CCSER1: variants seen among roughly 807,000 people sequenced by gnomAD.
CCSER1 encodes serine-rich coiled-coil domain-containing protein 1.
Under a neutral mutation model 82.0 loss-of-function variants are expected in CCSER1, and 41 were observed. The observed-to-expected ratio is 0.50, with a 90% CI of 0.39 to 0.65. The LOEUF is 0.65. Among genes scored for constraint, CCSER1 ranks in the 30% least tolerant of loss-of-function variants. The pLI is 0.00. For missense variants in CCSER1, 1,119 were observed against 1,064.2 expected, an observed-to-expected ratio of 1.05 and a Z score of -0.72; for synonymous variants, 414 against 383.9, an observed-to-expected ratio of 1.08 and a Z score of -0.92.
intron 5 of CCSER1, among the ~76,000 whole-genome samples, chr4:90,588,908 C>T (rs1027012355): frequency 6.6e-6 from 1 of 152,100 alleles, no homozygotes. Context: ...TTATAAATTA[C>T]CCAGTCTCAG....
chr4:90,251,219 A>C (rs1490310499), intron 1 of CCSER1, among the ~76,000 whole-genome samples: 2 of 151,760 alleles, frequency 1.3e-5, no homozygotes, highest in Non-Finnish European at 2.9e-5. Context: ...AAGTGTTATA[A>C]ATTTTTACTT....
rs1764836026 is a variant in CCSER1 at position 91,602,047 on chromosome 4, T to C, written c.*2990T>C. 6.6e-6 allele frequency: 1 copy of C among 152,064 alleles called. No homozygotes were observed. Among genetic ancestry groups the C allele is most frequent in the African/African-American group, 2.4e-5 (1 of 41,450 alleles). 9.4% of individuals were successfully genotyped at this position (152,064 alleles called of 1,614,324 possible). On this transcript the variant is annotated 3_prime_UTR_variant, in exon 11 of 11. Coordinates refer to ENST00000509176, the MANE Select transcript of CCSER1 (RefSeq NM_001145065.2). ...CTTTGTTCAAATCACAACATGAAAC[T>C]GTTGCTGCAATGCTAAAGATGTGAA...
chr4:91,282,619 T>G (rs1742999789), intron 10 of CCSER1, among the ~76,000 whole-genome samples: 1 of 152,118 alleles, frequency 6.6e-6, no homozygotes, highest in Non-Finnish European at 1.5e-5. Context: ...CAAAGGAAAT[T>G]TAAGCATGGA....
intron 10 of CCSER1, among the ~76,000 whole-genome samples, chr4:91,475,662 A>G (rs537465058): frequency 1.2e-4 from 18 of 152,000 alleles, no homozygotes; most frequent in African/African-American, 4.3e-4. Context: ...TGTGGGGAAC[A>G]TTACAAATCT....
chr4:90,839,701 A>C (rs771119212), intron 8 of CCSER1, among the ~76,000 whole-genome samples: 20 of 152,328 alleles, frequency 1.3e-4, no homozygotes, highest in Non-Finnish European at 2.5e-4. Flanking sequence ...CCTTTTGCCC[A>C]ATCTTACCAA....
chr4:90,229,800 A>G (rs546478907), intron 1 of CCSER1, among the ~76,000 whole-genome samples: 3 of 152,326 alleles, frequency 2.0e-5, no homozygotes, highest in Non-Finnish European at 2.9e-5. Context: ...TGGAAAACAA[A>G]AAAAGGCAGG....
At chr4:91,066,367 G>T (rs979823045) in intron 9 of CCSER1, among the ~76,000 whole-genome samples, 5 of 152,172 alleles carry the variant, frequency 3.3e-5, no homozygotes, top group African/African-American at 4.8e-5. Flanking sequence ...GAGAAATGAA[G>T]CACAGAGCAG....
At chr4:90,904,308 T>C (rs1725122179) in intron 8 of CCSER1, among the ~76,000 whole-genome samples, 1 of 152,154 alleles carries the variant, frequency 6.6e-6, no homozygotes, top group African/African-American at 2.4e-5. Flanking sequence ...ATTTGTGCTG[T>C]TCTTTAATTT....
At chr4:90,263,962 G>A (rs547063916) in intron 1 of CCSER1, among the ~76,000 whole-genome samples, 1 of 152,182 alleles carries the variant, frequency 6.6e-6, no homozygotes, top group Non-Finnish European at 1.5e-5. Context: ...AGGAAAGTCA[G>A]AGCACAGACC....
chr4:91,577,070 G>A (rs1477383465), intron 10 of CCSER1, among the ~76,000 whole-genome samples: 1 of 151,952 alleles, frequency 6.6e-6, no homozygotes, highest in Non-Finnish European at 1.5e-5. Context: ...TAACATTGGT[G>A]CATAGCTTAC....
At chr4:90,915,609 CAG>C (rs1466757631) in intron 8 of CCSER1, among the ~76,000 whole-genome samples, 1 of 152,096 alleles carries the variant, frequency 6.6e-6, no homozygotes, top group African/African-American at 2.4e-5. Flanking sequence ...TGGCACAAGA[CAG>C]GGATGCCCTC....
chr4:91,168,262 T>A (rs1732352701), intron 10 of CCSER1, among the ~76,000 whole-genome samples: 1 of 125,030 alleles, frequency 8.0e-6, no homozygotes, highest in African/African-American at 3.1e-5. Flanking sequence ...GCCCATCATC[T>A]GGGAAGTGAG....
At chr4:90,981,017 A>G (rs189466452) in intron 9 of CCSER1, among the ~76,000 whole-genome samples, 1 of 151,884 alleles carries the variant, frequency 6.6e-6, no homozygotes, top group East Asian at 2.0e-4. Flanking sequence ...AGGGCTCTAC[A>G]GGTAGACCTG....
intron 3 of CCSER1, among the ~76,000 whole-genome samples, chr4:90,374,185 G>T (rs1747926270): frequency 6.6e-6 from 1 of 152,196 alleles, no homozygotes; most frequent in African/African-American, 2.4e-5. Context: ...GGATCGATGA[G>T]ACGCTTGTGG....
At chr4:91,534,747 A>G (rs1578721437) in intron 10 of CCSER1, among the ~76,000 whole-genome samples, 1 of 151,908 alleles carries the variant, frequency 6.6e-6, no homozygotes, top group South Asian at 2.1e-4. Context: ...GCTCTTTAAG[A>G]CTGAATAAAA....
Position 91,373,597 on chromosome 4 carries a change from T to G in CCSER1, c.2218-224975T>G, listed in dbSNP as rs184450350. The stretch of plus-strand genomic sequence containing the variant: ...CGGACTTGCCTTTCCTTTAAATCTC[T>G]TTATATCCCTGAGTTTCATTATTTC... On this transcript the variant is annotated intron_variant, in intron 10 of 10. Coordinates refer to ENST00000509176, the MANE Select transcript of CCSER1 (RefSeq NM_001145065.2). Among the ~76,000 whole-genome samples the G allele has an allele frequency of 2.9e-3, 435 of 152,288 alleles. 1 individual carries two copies. The highest frequency in any genetic ancestry group is 0.01 in the Middle Eastern group (3 of 294).
At chr4:90,517,969 A>T (rs1772520161) in intron 5 of CCSER1, among the ~76,000 whole-genome samples, 1 of 152,118 alleles carries the variant, frequency 6.6e-6, no homozygotes. Context: ...GGAAGTCAAC[A>T]TCTTCCTAGA....
At chr4:90,749,346 G>C (rs959987306) in intron 7 of CCSER1, among the ~76,000 whole-genome samples, 3 of 151,760 alleles carry the variant, frequency 2.0e-5, no homozygotes, top group Admixed American at 2.0e-4. Context: ...TCAGATAGTT[G>C]TAGATATGCG....
chr4:90,210,318 A>G (rs1399685544), intron 1 of CCSER1, among the ~76,000 whole-genome samples: 1 of 152,180 alleles, frequency 6.6e-6, no homozygotes, highest in Non-Finnish European at 1.5e-5. Flanking sequence ...AAAATGAACT[A>G]TACATATATA....
Sources: gnomAD v4.1 joint callset for allele counts (sites outside exome capture counted in the v4.1 genomes callset) on GRCh38, gnomAD v4.1.1 for gene constraint, MANE v1.5 for transcripts, NCBI Gene and HGNC (gene_info 2026-07-23, HGNC 2026-07-21) for gene names.